The following NDUFAB1 variants were observed in gnomAD, a reference collection of about 807,000 sequenced individuals.
NDUFAB1 encodes acyl carrier protein, mitochondrial.
Under a neutral mutation model 16.1 loss-of-function variants are expected in NDUFAB1, and 5 were observed. The observed-to-expected ratio is 0.31, with a 90% CI of 0.16 to 0.65. The LOEUF (loss-of-function observed/expected upper bound fraction) is 0.65. Among genes scored for constraint, NDUFAB1 ranks in the 30% least tolerant of loss-of-function variants. The probability of loss-of-function intolerance (pLI) is 0.77; values close to 1 mark genes in which losing one functional copy is unlikely to be tolerated. For synonymous variants in NDUFAB1, 85 were observed against 78.4 expected (o/e 1.08, Z -0.44); for missense variants, 187 against 205.3 (o/e 0.91, Z 0.54).
At chr16:23,582,799 CCCTCTT>C (rs1357290171) in intron 3 of NDUFAB1, among the ~76,000 whole-genome samples, 3 of 149,420 alleles carry the variant, frequency 2.0e-5, no homozygotes, top group Non-Finnish European at 4.5e-5. Flanking sequence ...CTCTCCCTCT[CCCTCTT>C]CCCACGGTCT....
chr16:23,583,947 T>TTGGG (rs1319500952), intron 3 of NDUFAB1, among the ~76,000 whole-genome samples: 193 of 152,064 alleles, frequency 1.3e-3, no homozygotes, highest in African/African-American at 4.5e-3. Flanking sequence ...GCTGTTGATC[T>TTGGG]ATGACCTTAC....
chr16:23,585,874 C>T (rs968141645), intron 2 of NDUFAB1, among the ~76,000 whole-genome samples: 2 of 152,190 alleles, frequency 1.3e-5, no homozygotes, highest in African/African-American at 4.8e-5. Flanking sequence ...TTATCTTACT[C>T]TGTTTTGAAG....
At chr16:23,588,332 G>A (rs1030027910) in intron 1 of NDUFAB1, among the ~76,000 whole-genome samples, 5 of 152,032 alleles carry the variant, frequency 3.3e-5, no homozygotes, top group Non-Finnish European at 7.4e-5. Context: ...GTGGGCGCCT[G>A]TAATCCCAGC....
intron 1 of NDUFAB1, among the ~76,000 whole-genome samples, chr16:23,595,257 A>G (rs931579258): frequency 6.6e-6 from 1 of 152,144 alleles, no homozygotes; most frequent in African/African-American, 2.4e-5. Flanking sequence ...TGACAGAGCG[A>G]GACTCTGTCT....
intron 1 of NDUFAB1, among the ~76,000 whole-genome samples, chr16:23,594,530 G>A (rs958774578): frequency 2.0e-5 from 3 of 149,078 alleles, no homozygotes; most frequent in African/African-American, 7.4e-5. Context: ...TTTTTTGTAT[G>A]TTTAGTAGAG....
chr16:23,585,205 G>T, intron 3 of NDUFAB1, 131 bp downstream of exon 3: 1 of 666,330 alleles, frequency 1.5e-6, no homozygotes, highest in Non-Finnish European at 2.7e-6. Context: ...GAAGGTGTGT[G>T]TGAAGGGCAG....
chr16:23,584,822 C>T (rs907230335), intron 3 of NDUFAB1, among the ~76,000 whole-genome samples: 1 of 152,206 alleles, frequency 6.6e-6, no homozygotes, highest in Non-Finnish European at 1.5e-5. Flanking sequence ...AGCCAACTCA[C>T]GCAGAAACAG....
rs1399175179 is a variant in NDUFAB1, at chr16:23,581,079, C to G, written c.*103G>C. The G allele has an allele frequency of 6.6e-6, 1 of 152,664 alleles. No homozygotes were observed. Among genetic ancestry groups the G allele is most frequent in the African/African-American group, 2.4e-5 (1 of 41,476 alleles). 9.5% of individuals were successfully genotyped at this position (152,664 alleles called of 1,614,324 possible). A position where few individuals can be genotyped will look rare whatever the true frequency, so the allele number is the denominator to read the frequency against. Reference sequence around the variant, plus strand: ...AATTTAAATACAAGTCCATCAGAATCACTCTGTCAGAGTCAGCAAGAATGC... The same window carrying G: ...AATTTAAATACAAGTCCATCAGAATGACTCTGTCAGAGTCAGCAAGAATGC... On this transcript the variant is annotated 3_prime_UTR_variant, in exon 5 of 5. Coordinates refer to ENST00000007516, the MANE Select transcript of NDUFAB1 (RefSeq NM_005003.3).
chr16:23,593,849 CTTATTTATTTAT>C (rs57003710), intron 1 of NDUFAB1, among the ~76,000 whole-genome samples: 3,684 of 143,580 alleles, frequency 0.026, 59 homozygotes, highest in Middle Eastern at 0.032. Flanking sequence ...CTTTTTAACC[CTTATTTATTTAT>C]TTATTTATTT....
intron 2 of NDUFAB1, among the ~76,000 whole-genome samples, chr16:23,586,784 G>T (rs1016887296): frequency 6.6e-6 from 1 of 152,154 alleles, no homozygotes; most frequent in Non-Finnish European, 1.5e-5. Flanking sequence ...GAGTAGCTGG[G>T]ATTACAGGTA....
intron 1 of NDUFAB1, among the ~76,000 whole-genome samples, chr16:23,588,427 C>T (rs540667634): frequency 1.3e-5 from 2 of 151,892 alleles, no homozygotes; most frequent in Admixed American, 6.6e-5. Flanking sequence ...GCATTCCAGC[C>T]TGGGCGACAA....
At chr16:23,592,762 C>G (rs966006889) in intron 1 of NDUFAB1, among the ~76,000 whole-genome samples, 5 of 152,090 alleles carry the variant, frequency 3.3e-5, no homozygotes, top group Admixed American at 6.6e-5. Context: ...AGGAAAACTG[C>G]CTTAGCTCCT....
At chr16:23,585,027 C>CT (rs1184909248) in intron 3 of NDUFAB1, among the ~76,000 whole-genome samples, 1 of 152,190 alleles carries the variant, frequency 6.6e-6, no homozygotes, top group African/African-American at 2.4e-5. Flanking sequence ...TCCGGGGAGG[C>CT]TTTTGCCCTT....
intron 3 of NDUFAB1, among the ~76,000 whole-genome samples, chr16:23,584,289 G>A (rs994901565): frequency 6.4e-5 from 6 of 94,470 alleles, no homozygotes; most frequent in African/African-American, 1.6e-4. Context: ...CCCAGTGCCC[G>A]TCAGCAGTCA....
At chr16:23,586,924 AG>A (rs1236640912) in intron 2 of NDUFAB1, among the ~76,000 whole-genome samples, 3 of 152,274 alleles carry the variant, frequency 2.0e-5, no homozygotes, top group Non-Finnish European at 4.4e-5. Flanking sequence ...CTGGGATTAC[AG>A]GCATGAGCCA....
chr16:23,592,824 T>C (rs751746764), intron 1 of NDUFAB1, among the ~76,000 whole-genome samples: 13 of 152,132 alleles, frequency 8.5e-5, no homozygotes, highest in African/African-American at 1.2e-4. Flanking sequence ...GTTGGCATAG[T>C]GGATGGATTT....
chr16:23,592,458 C>A (rs1966288782), intron 1 of NDUFAB1, among the ~76,000 whole-genome samples: 1 of 152,092 alleles, frequency 6.6e-6, no homozygotes, highest in African/African-American at 2.4e-5. Context: ...AGGGAGGGCC[C>A]AGGTCTGCAG....
Position 23,581,132 on chromosome 16 carries a change from C to T in NDUFAB1, c.*50G>A, listed in dbSNP as rs1269366815. ...AAATGTGTCCTCACTGCCAGACATT[C>T]GTCACTATCATCTGAGTCCTCTCTC... On this transcript the variant is annotated 3_prime_UTR_variant, in exon 5 of 5. Transcript: ENST00000007516. The T allele has an allele frequency of 1.3e-5, 2 of 152,676 alleles. No homozygotes were observed. The highest frequency in any genetic ancestry group is 2.4e-5 in the African/African-American group (1 of 41,448). 9.5% of individuals were successfully genotyped at this position (152,676 alleles called of 1,614,324 possible). A position where few individuals can be genotyped will look rare whatever the true frequency, so the allele number is the denominator to read the frequency against.
intron 1 of NDUFAB1, among the ~76,000 whole-genome samples, chr16:23,593,545 T>C (rs1966296720): frequency 6.6e-6 from 1 of 152,144 alleles, no homozygotes; most frequent in Non-Finnish European, 1.5e-5. Context: ...AATAAAATGG[T>C]TCCTCTGCTA....
Sources: allele counts gnomAD v4.1 joint callset (sites outside exome capture counted in the v4.1 genomes callset), GRCh38; gene constraint gnomAD v4.1.1; transcripts MANE v1.5; gene names NCBI Gene and HGNC (gene_info 2026-07-23, HGNC 2026-07-21).